The following AUH variants were observed in gnomAD, a reference collection of about 807,000 sequenced individuals.
AUH encodes the protein methylglutaconyl-CoA hydratase, mitochondrial.
AUH carries 29 observed loss-of-function variants against 42.3 expected under a neutral mutation model. The ratio of observed to expected loss-of-function variants is 0.69; its 90% confidence interval spans 0.51 to 0.93. The LOEUF is 0.93. Ranked by LOEUF, AUH falls within the 40% of genes least tolerant of loss-of-function variation. The pLI is 0.00. For synonymous variants in AUH, 174 were observed against 166.4 expected, an observed-to-expected ratio of 1.05 and a Z score of -0.35; for missense variants, 452 against 438.1, an observed-to-expected ratio of 1.03 and a Z score of -0.28.
intron 6 of AUH, among the ~76,000 whole-genome samples, chr9:91,243,779 G>A (rs1046224490): frequency 6.6e-6 from 1 of 151,986 alleles, no homozygotes; most frequent in African/African-American, 2.4e-5. Context: ...AACAGAAAAC[G>A]AGCAGCAAAA....
chr9:91,352,360 T>G (rs1832055346), intron 3 of AUH, among the ~76,000 whole-genome samples: 1 of 152,086 alleles, frequency 6.6e-6, no homozygotes, highest in South Asian at 2.1e-4. Flanking sequence ...AGCACATGAC[T>G]GTATTTGTGT....
intron 6 of AUH, among the ~76,000 whole-genome samples, chr9:91,229,928 G>A (rs968982414): frequency 1.3e-5 from 2 of 152,174 alleles, no homozygotes; most frequent in Non-Finnish European, 2.9e-5. Context: ...GAGATTCGCT[G>A]TTAAGTCTGA....
rs142593953 is a variant in AUH at position 91,254,628 on chromosome 9, A to G, written c.656-33636T>C. Among the ~76,000 whole-genome samples, 1,334 of 152,344 alleles carry G rather than the reference A, an allele frequency of 8.8e-3. 9 individuals are homozygous for G. Among genetic ancestry groups the G allele is most frequent in the Middle Eastern group, 0.041 (12 of 294 alleles). On this transcript the variant is annotated intron_variant, in intron 6 of 9. Transcript: ENST00000375731. ...GAAACAAAAACGAATTCTAAACATA[A>G]GAGATGGGTAATCTAAAATAGCAAG...
At chr9:91,281,823 G>T (rs1179198302) in intron 6 of AUH, among the ~76,000 whole-genome samples, 1 of 151,910 alleles carries the variant, frequency 6.6e-6, no homozygotes, top group Non-Finnish European at 1.5e-5. Context: ...CCCAGTAGAG[G>T]CCCCTATCAC....
At chr9:91,230,777 G>A (rs1408059208) in intron 6 of AUH, among the ~76,000 whole-genome samples, 1 of 152,312 alleles carries the variant, frequency 6.6e-6, no homozygotes, top group East Asian at 1.9e-4. Flanking sequence ...CTAACAGACA[G>A]GACCCTCAGC....
intron 6 of AUH, among the ~76,000 whole-genome samples, chr9:91,282,311 C>A (rs1477519414): frequency 6.6e-6 from 1 of 152,186 alleles, no homozygotes; most frequent in African/African-American, 2.4e-5. Context: ...TACAAACCCA[C>A]ACTCTCCTTG....
At chr9:91,264,350 T>C (rs1376793904) in intron 6 of AUH, among the ~76,000 whole-genome samples, 1 of 152,152 alleles carries the variant, frequency 6.6e-6, no homozygotes, top group Non-Finnish European at 1.5e-5. Flanking sequence ...TCTCCTAGGA[T>C]TTCTAATTGC....
chr9:91,301,599 T>C (rs1176098251), intron 4 of AUH, among the ~76,000 whole-genome samples: 1 of 152,148 alleles, frequency 6.6e-6, no homozygotes, highest in Non-Finnish European at 1.5e-5. Flanking sequence ...TTGTGTGCCC[T>C]TGAGAAGCTT....
rs182527010 is a variant in AUH at position 91,258,177 on chromosome 9, T to C, written c.656-37185A>G. Among the ~76,000 whole-genome samples the C allele has an allele frequency of 1.5e-3, 231 of 152,318 alleles. 1 individual carries two copies. Among genetic ancestry groups the C allele is most frequent in the African/African-American group, 5.0e-3 (206 of 41,578 alleles). On this transcript the variant is annotated intron_variant, in intron 6 of 9. Transcript: ENST00000375731. ...GACTCTTTAAAATTTTATCTGAACA[T>C]ATCATGACATGTGTGAAGACAGTGT...
At chr9:91,244,337 A>C (rs981844399) in intron 6 of AUH, among the ~76,000 whole-genome samples, 1 of 152,250 alleles carries the variant, frequency 6.6e-6, no homozygotes, top group African/African-American at 2.4e-5. Context: ...AGCTGTCATA[A>C]TAAAATGTTG....
chr9:91,240,395 G>C (rs777040868), intron 6 of AUH, among the ~76,000 whole-genome samples: 3 of 152,096 alleles, frequency 2.0e-5, no homozygotes, highest in Non-Finnish European at 2.9e-5. Context: ...ACACCCATAT[G>C]ACCAAGACGT....
At chr9:91,229,826 G>T (rs1420314612) in intron 6 of AUH, among the ~76,000 whole-genome samples, 1 of 149,482 alleles carries the variant, frequency 6.7e-6, no homozygotes, top group Non-Finnish European at 1.5e-5. Context: ...GCTTAGTTTG[G>T]CTGGATATGA....
At chr9:91,294,134 C>T (rs552789488) in intron 6 of AUH, among the ~76,000 whole-genome samples, 1 of 152,346 alleles carries the variant, frequency 6.6e-6, no homozygotes, top group Non-Finnish European at 1.5e-5. Context: ...GTGACAATGT[C>T]CTGGTTACCC....
intron 6 of AUH, among the ~76,000 whole-genome samples, chr9:91,274,017 GAA>G (rs1371495675): frequency 6.6e-6 from 1 of 152,186 alleles, no homozygotes; most frequent in African/African-American, 2.4e-5. Flanking sequence ...GCACACAAGA[GAA>G]GGTCTCTCTC....
intron 4 of AUH, 57 bp from the exon 5 acceptor site, chr9:91,298,133 A>G (rs1033924413): frequency 7.3e-7 from 1 of 1,375,950 alleles, no homozygotes; most frequent in Admixed American, 1.7e-5. Context: ...TCACTGTGTA[A>G]TTCATTTTTA....
intron 3 of AUH, among the ~76,000 whole-genome samples, chr9:91,329,200 T>G (rs1830157000): frequency 6.6e-6 from 1 of 152,162 alleles, no homozygotes; most frequent in South Asian, 2.1e-4. Flanking sequence ...GATATGGACA[T>G]TCACTTACAA....
chr9:91,216,215 G>T, intron 8 of AUH, 109 bp from the exon 9 acceptor site: 1 of 1,084,490 alleles, frequency 9.2e-7, no homozygotes, highest in Non-Finnish European at 1.4e-6. Context: ...CCAATCCTTT[G>T]ATATAGTACA....
intron 6 of AUH, among the ~76,000 whole-genome samples, chr9:91,250,114 A>G (rs922962150): frequency 6.6e-6 from 1 of 152,118 alleles, no homozygotes; most frequent in African/African-American, 2.4e-5. Context: ...GTCTCCAGGC[A>G]GAAGGACAGA....
intron 6 of AUH, among the ~76,000 whole-genome samples, chr9:91,262,979 G>A (rs1829782504): frequency 6.6e-6 from 1 of 152,210 alleles, no homozygotes; most frequent in African/African-American, 2.4e-5. Flanking sequence ...CTTGAGTGTT[G>A]CAGGCACTTT....
Sources: allele counts gnomAD v4.1 joint callset (sites outside exome capture counted in the v4.1 genomes callset), GRCh38; gene constraint gnomAD v4.1.1; transcripts MANE v1.5; gene names NCBI Gene and HGNC (gene_info 2026-07-23, HGNC 2026-07-21).